The following FRAS1 variants were observed in gnomAD, a reference collection of about 807,000 sequenced individuals.
FRAS1 encodes Fraser extracellular matrix complex subunit 1.
A neutral mutation model predicts 435.2 loss-of-function variants in FRAS1; 290 were observed. The observed-to-expected ratio is 0.67, with a 90% confidence interval of 0.61 to 0.73. The LOEUF (loss-of-function observed/expected upper bound fraction) is 0.73, where lower values mean the gene tolerates loss of function less well. Among genes scored for constraint, FRAS1 ranks in the 30% least tolerant of loss-of-function variants. The pLI is 0.00. For synonymous variants in FRAS1, 1,800 were observed against 1,851.0 expected, an observed-to-expected ratio of 0.97 and a Z score of 0.71; for missense variants, 4,860 against 5,001.5, an observed-to-expected ratio of 0.97 and a Z score of 0.85.
chr4:78,436,847 A>G (rs934354304), intron 38 of FRAS1, among the ~76,000 whole-genome samples: 1 of 152,226 alleles, frequency 6.6e-6, no homozygotes, highest in African/African-American at 2.4e-5. Flanking sequence ...TGGGAGGCCC[A>G]GAGACAGGAA....
chr4:78,375,774 G>A lies in FRAS1; in HGVS notation c.3187G>A (p.Asp1063Asn), dbSNP rs551035223. ...GGGGTGCTTGCAGTGCAGCCACAGGGACCGTTGTCACCTCTGTGACCATGG... is the reference window on the plus strand; with the variant it reads ...GGGGTGCTTGCAGTGCAGCCACAGGAACCGTTGTCACCTCTGTGACCATGG... Reference protein sequence around the residue: ...PQGCLQCSHRDRCHLCDHGFF... With the variant: ...PQGCLQCSHRNRCHLCDHGFF... The change falls in exon 26 of 74, where the codon GAC becomes AAC. Residue 1063 changes from aspartate (D) to asparagine (N), a missense_variant. Physicochemically the swap from Asp to Asn is conservative, Grantham distance 23. Coordinates refer to ENST00000512123, the MANE Select transcript of FRAS1 (RefSeq NM_025074.7). The A allele has an allele frequency of 6.2e-7, 1 of 1,609,384 alleles. No individual in the cohort carries two copies. Among genetic ancestry groups the A allele is most frequent in the African/African-American group, 1.3e-5 (1 of 74,996 alleles).
At chr4:78,333,945 A>T (rs1055693800) in intron 19 of FRAS1, among the ~76,000 whole-genome samples, 2 of 152,062 alleles carry the variant, frequency 1.3e-5, no homozygotes, top group African/African-American at 4.8e-5. Context: ...CTGAAACCAT[A>T]CATATGTGCC....
chr4:78,146,323 A>G (rs1720420088), intron 2 of FRAS1, among the ~76,000 whole-genome samples: 1 of 152,150 alleles, frequency 6.6e-6, no homozygotes, highest in African/African-American at 2.4e-5. Context: ...GCTTACTTAT[A>G]CTGCTATTTC....
At chr4:78,320,936 T>G (rs962236289) in intron 18 of FRAS1, among the ~76,000 whole-genome samples, 1 of 152,016 alleles carries the variant, frequency 6.6e-6, no homozygotes. Context: ...ATGATTCTGG[T>G]TTTCCCATTG....
chr4:78,525,591 C>T (rs1721509881), intron 69 of FRAS1, among the ~76,000 whole-genome samples: 1 of 152,098 alleles, frequency 6.6e-6, no homozygotes, highest in Non-Finnish European at 1.5e-5. Flanking sequence ...GATAAGTATC[C>T]CAAAATGGTC....
chr4:78,302,164 T>C (rs942613371), intron 14 of FRAS1, among the ~76,000 whole-genome samples: 27 of 147,374 alleles, frequency 1.8e-4, no homozygotes, highest in Non-Finnish European at 3.4e-4. Context: ...TTCATCCATG[T>C]CCCTACAAAG....
chr4:78,191,424 T>G (rs10030855), intron 2 of FRAS1, among the ~76,000 whole-genome samples: 146,191 of 152,198 alleles, frequency 0.96, 70,478 homozygotes, highest in East Asian at 1. Flanking sequence ...ATTGTTATTT[T>G]ATGAATTAGA....
At chr4:78,163,102 C>T (rs1721205830) in intron 2 of FRAS1, among the ~76,000 whole-genome samples, 1 of 152,140 alleles carries the variant, frequency 6.6e-6, no homozygotes, top group Non-Finnish European at 1.5e-5. Context: ...TATTGCTGTT[C>T]TCTAGAAAAA....
intron 2 of FRAS1, among the ~76,000 whole-genome samples, chr4:78,188,006 C>T (rs966234685): frequency 2.0e-5 from 3 of 152,258 alleles, no homozygotes; most frequent in South Asian, 2.1e-4. Context: ...TAAACAAGAC[C>T]TTAAGAATCT....
chr4:78,237,392 C>A, intron 2 of FRAS1, 118 bp from the exon 3 acceptor site: 1 of 659,662 alleles, frequency 1.5e-6, no homozygotes, highest in South Asian at 1.9e-5. Flanking sequence ...GTGTGGTGTG[C>A]CTGTGACTTT....
chr4:78,115,990 C>T (rs1743141734), intron 2 of FRAS1, among the ~76,000 whole-genome samples: 1 of 152,208 alleles, frequency 6.6e-6, no homozygotes, highest in Non-Finnish European at 1.5e-5. Flanking sequence ...TCCGTCTACA[C>T]ACTGCTTTTA....
chr4:78,089,621 C>T (rs1741398821), intron 2 of FRAS1, among the ~76,000 whole-genome samples: 1 of 149,078 alleles, frequency 6.7e-6, no homozygotes, highest in African/African-American at 2.4e-5. Context: ...GTCCCTTTGA[C>T]TTCTCATTTT....
chr4:78,237,698 T>C, intron 3 of FRAS1, 81 bp downstream of exon 3: 1 of 616,786 alleles, frequency 1.6e-6, no homozygotes, highest in South Asian at 3.8e-5. Flanking sequence ...AGACATCTGT[T>C]TTTGACATTT....
At chr4:78,105,362 T>A (rs979755322) in intron 2 of FRAS1, among the ~76,000 whole-genome samples, 1 of 152,136 alleles carries the variant, frequency 6.6e-6, no homozygotes, top group Non-Finnish European at 1.5e-5. Flanking sequence ...TTCTAGAAAT[T>A]TGGCTATTCA....
intron 5 of FRAS1, 82 bp downstream of exon 5, chr4:78,252,633 A>G: frequency 7.9e-7 from 1 of 1,271,908 alleles, no homozygotes; most frequent in East Asian, 2.5e-5. Context: ...TCAATATTTC[A>G]ACATAGGTTC....
chr4:78,221,683 C>T (rs532448195), intron 2 of FRAS1, among the ~76,000 whole-genome samples: 2 of 152,264 alleles, frequency 1.3e-5, no homozygotes, highest in East Asian at 1.9e-4. Flanking sequence ...ATTAAACCAC[C>T]TTGTGTGTGT....
At chr4:78,343,996 G>A (rs921822025) in intron 20 of FRAS1, among the ~76,000 whole-genome samples, 1 of 152,014 alleles carries the variant, frequency 6.6e-6, no homozygotes, top group Non-Finnish European at 1.5e-5. Context: ...AGCTGTTGTT[G>A]CCTTATTTTG....
chr4:78,237,387 G>T (rs1724804707), intron 2 of FRAS1, 123 bp from the exon 3 acceptor site: 1 of 638,884 alleles, frequency 1.6e-6, no homozygotes, highest in Non-Finnish European at 2.8e-6. Context: ...ACTGTGTGTG[G>T]TGTGCCTGTG....
intron 18 of FRAS1, among the ~76,000 whole-genome samples, chr4:78,321,594 A>C (rs1222916807): frequency 6.6e-6 from 1 of 152,238 alleles, no homozygotes; most frequent in Admixed American, 6.5e-5. Context: ...CTGTAATCCC[A>C]GCACTTTGGG....
Sources: allele counts gnomAD v4.1 joint callset (sites outside exome capture counted in the v4.1 genomes callset), GRCh38; gene constraint gnomAD v4.1.1; transcripts MANE v1.5; gene names NCBI Gene and HGNC (gene_info 2026-07-23, HGNC 2026-07-21).